VTI1A: variants seen among roughly 807,000 people sequenced by gnomAD.
VTI1A encodes the protein vesicle transport through interaction with t-SNAREs 1A, also known as vesicle transport through interaction with t-SNAREs homolog 1A.
VTI1A carries 22 observed loss-of-function variants against 34.9 expected under a neutral mutation model. The observed-to-expected ratio is 0.63, with a 90% confidence interval of 0.45 to 0.90. VTI1A has a LOEUF of 0.90. Among genes scored for constraint, VTI1A ranks in the 40% least tolerant of loss-of-function variants. The pLI is 0.00. For missense variants in VTI1A, 268 were observed against 275.6 expected (o/e 0.97, Z 0.20); for synonymous variants, 87 against 97.3 (o/e 0.89, Z 0.62).
At chr10:112,496,193 C>T (rs941010501) in intron 3 of VTI1A, among the ~76,000 whole-genome samples, 3 of 116,674 alleles carry the variant, frequency 2.6e-5, no homozygotes, top group Admixed American at 8.4e-5. Context: ...AGACCCCCCC[C>T]CCCCCCCCGC....
chr10:112,458,524 T>C (rs188712121), intron 1 of VTI1A, among the ~76,000 whole-genome samples: 7 of 152,226 alleles, frequency 4.6e-5, no homozygotes, highest in Middle Eastern at 3.4e-3. Flanking sequence ...TGAGTACACA[T>C]AAAACACCTT....
intron 5 of VTI1A, among the ~76,000 whole-genome samples, chr10:112,605,705 G>A (rs1250263687): frequency 6.6e-6 from 1 of 152,130 alleles, no homozygotes; most frequent in East Asian, 1.9e-4. Flanking sequence ...TGTGCTTGCA[G>A]CTCCATGTCA....
At chr10:112,484,977 A>C (rs1416750886) in intron 3 of VTI1A, 8 of 151,980 alleles carry the variant, frequency 5.3e-5, no homozygotes, top group African/African-American at 1.9e-4. Flanking sequence ...AGGAATTAAG[A>C]TGCTTTAAGA....
intron 5 of VTI1A, among the ~76,000 whole-genome samples, chr10:112,638,781 A>G (rs1846457954): frequency 6.9e-6 from 1 of 144,686 alleles, no homozygotes. Context: ...TACAGATATT[A>G]CCATTTCCTT....
intron 5 of VTI1A, among the ~76,000 whole-genome samples, chr10:112,635,335 G>T (rs1846312434): frequency 6.6e-6 from 1 of 152,198 alleles, no homozygotes; most frequent in Admixed American, 6.5e-5. Context: ...AGAACCGTGA[G>T]CAGTCAGCAG....
intron 5 of VTI1A, among the ~76,000 whole-genome samples, chr10:112,618,516 T>TAGAGAGAGAGAGAGAGAGAG (rs1295144968): frequency 4.5e-4 from 21 of 46,408 alleles, no homozygotes; most frequent in East Asian, 1.7e-3. Flanking sequence ...TATATATATA[T>TAGAGAGAGAGAGAGAGAGAG]ATATATATAG....
At chr10:112,719,781 G>A (rs554458646) in intron 7 of VTI1A, among the ~76,000 whole-genome samples, 38 of 152,126 alleles carry the variant, frequency 2.5e-4, no homozygotes, top group Non-Finnish European at 4.3e-4. Context: ...CCCAACCTCA[G>A]GTGATCTGCC....
At chr10:112,674,256 C>G (rs1847956587) in intron 7 of VTI1A, among the ~76,000 whole-genome samples, 1 of 152,152 alleles carries the variant, frequency 6.6e-6, no homozygotes, top group Admixed American at 6.5e-5. Flanking sequence ...CTAAACTGTT[C>G]TTCAGCTTTT....
At chr10:112,663,058 A>C (rs973099887) in intron 5 of VTI1A, among the ~76,000 whole-genome samples, 1 of 152,228 alleles carries the variant, frequency 6.6e-6, no homozygotes, top group African/African-American at 2.4e-5. Flanking sequence ...TAAGCACACA[A>C]GAATGTGTGG....
chr10:112,753,797 A>C (rs1851185155), intron 7 of VTI1A, among the ~76,000 whole-genome samples: 2 of 152,214 alleles, frequency 1.3e-5, no homozygotes, highest in African/African-American at 4.8e-5. Context: ...CGGTTGGGAA[A>C]GCCTCAATTT....
chr10:112,631,230 A>G (rs1846119656), intron 5 of VTI1A, among the ~76,000 whole-genome samples: 1 of 152,172 alleles, frequency 6.6e-6, no homozygotes, highest in Non-Finnish European at 1.5e-5. Context: ...AAAGAATATT[A>G]ATTTTTAAAC....
rs545261845 is a variant in VTI1A at position 112,563,366 on chromosome 10, G to A, written c.427+25036G>A. On this transcript the variant is annotated intron_variant, in intron 5 of 7. Transcript: ENST00000393077. ...TTGCAGACCACCTTCATCCTTGATG[G>A]ACTTTGTATGCAAAACAAAGAATTT... 2.0e-5 allele frequency among the ~76,000 whole-genome samples: 3 copies of A among 152,114 alleles called. No homozygotes were observed. In the South Asian group the frequency reaches 6.2e-4, roughly 32 times the overall value.
chr10:112,786,337 T>A (rs1852285838), intron 7 of VTI1A, among the ~76,000 whole-genome samples: 1 of 152,244 alleles, frequency 6.6e-6, no homozygotes, highest in Non-Finnish European at 1.5e-5. Flanking sequence ...TAGTATTTTG[T>A]CGATCTCTTA....
chr10:112,620,679 A>T (rs1845701394), intron 5 of VTI1A, among the ~76,000 whole-genome samples: 1 of 151,918 alleles, frequency 6.6e-6, no homozygotes, highest in African/African-American at 2.4e-5. Flanking sequence ...AATCTCAGCT[A>T]CTTGGGAGGC....
At chr10:112,787,965 G>C (rs1427993934) in intron 7 of VTI1A, among the ~76,000 whole-genome samples, 3 of 151,500 alleles carry the variant, frequency 2.0e-5, no homozygotes, top group Non-Finnish European at 4.4e-5. Context: ...GCCTCCCAAA[G>C]TGCTGGATTA....
chr10:112,454,617 A>G (rs796977159), intron 1 of VTI1A, among the ~76,000 whole-genome samples: 6 of 152,070 alleles, frequency 3.9e-5, no homozygotes, highest in African/African-American at 1.2e-4. Flanking sequence ...GAAAAAGAAA[A>G]CTAATTAAAA....
At chr10:112,612,595 G>A (rs954525474) in intron 5 of VTI1A, among the ~76,000 whole-genome samples, 21 of 152,004 alleles carry the variant, frequency 1.4e-4, no homozygotes, top group African/African-American at 4.8e-4. Flanking sequence ...CCAATTTTTT[G>A]AATTTTTTGT....
the VTI1A span, among the ~76,000 whole-genome samples, chr10:112,839,302 C>T: frequency 6.6e-6 from 1 of 152,298 alleles, no homozygotes; most frequent in African/African-American, 2.4e-5. Context: ...TTGTGAGAAG[C>T]ACCGTGACAG....
At chr10:112,473,055 G>T in intron 3 of VTI1A, among the ~76,000 whole-genome samples, 1 of 146,152 alleles carries the variant, frequency 6.8e-6, no homozygotes, top group African/African-American at 2.5e-5. Flanking sequence ...CTTCTCCCTT[G>T]CATAATTTAT....
Sources: gnomAD v4.1 joint callset for allele counts (sites outside exome capture counted in the v4.1 genomes callset) on GRCh38, gnomAD v4.1.1 for gene constraint, MANE v1.5 for transcripts, NCBI Gene and HGNC (gene_info 2026-07-23, HGNC 2026-07-21) for gene names.